Variants in KCNQ3 observed in about 807,000 individuals in gnomAD.
KCNQ3 encodes the protein potassium voltage-gated channel subfamily KQT member 3.
A neutral mutation model predicts 92.5 loss-of-function variants in KCNQ3; 30 were observed. The observed-to-expected ratio is 0.32, with a 90% CI of 0.24 to 0.44. The LOEUF (loss-of-function observed/expected upper bound fraction) is 0.44, where lower values mean the gene tolerates loss of function less well. Ranked by LOEUF, KCNQ3 falls within the 20% of genes least tolerant of loss-of-function variation. The pLI, the probability that KCNQ3 is intolerant of heterozygous loss-of-function variation, is 1.00. For synonymous variants in KCNQ3, 450 were observed against 468.8 expected, an observed-to-expected ratio of 0.96 and a Z score of 0.52; for missense variants, 913 against 1,140.3, an observed-to-expected ratio of 0.80 and a Z score of 2.87.
At chr8:132,145,384 T>C (rs912536156) in intron 9 of KCNQ3, among the ~76,000 whole-genome samples, 3 of 152,350 alleles carry the variant, frequency 2.0e-5, no homozygotes, top group Non-Finnish European at 2.9e-5. Flanking sequence ...GACTGCTGTA[T>C]AGTGGAAAGA....
chr8:132,269,648 T>C lies in KCNQ3; in HGVS notation c.387-83467A>G, dbSNP rs568594723. Among the ~76,000 whole-genome samples the C allele has an allele frequency of 1.7e-4, 26 of 152,312 alleles. No individual in the cohort carries two copies. The East Asian group carries it at 4.4e-3, about 26-fold the overall frequency. On this transcript the variant is annotated intron_variant, in intron 1 of 14. Transcript: ENST00000388996. ...GCCCCCTATTGCCAATTAGACTTCA[T>C]ATCAGAGAGAAATTACCGTGTAGTT...
At chr8:132,259,962 C>A (rs936785856) in intron 1 of KCNQ3, among the ~76,000 whole-genome samples, 7 of 152,112 alleles carry the variant, frequency 4.6e-5, no homozygotes, top group Non-Finnish European at 1.0e-4. Flanking sequence ...AAGGCTTGTA[C>A]CTGACAACTA....
intron 1 of KCNQ3, among the ~76,000 whole-genome samples, chr8:132,233,595 C>T (rs1814708971): frequency 6.6e-6 from 1 of 152,178 alleles, no homozygotes; most frequent in South Asian, 2.1e-4. Context: ...AGTTTGGTTT[C>T]CTCCTTAGAC....
intron 1 of KCNQ3, among the ~76,000 whole-genome samples, chr8:132,343,985 A>G (rs1182141775): frequency 1.3e-5 from 2 of 152,214 alleles, no homozygotes; most frequent in Non-Finnish European, 2.9e-5. Flanking sequence ...TAAGTGGCAC[A>G]TGTTCTTTGT....
chr8:132,298,135 GCT>G (rs1817103510), intron 1 of KCNQ3, among the ~76,000 whole-genome samples: 1 of 152,144 alleles, frequency 6.6e-6, no homozygotes, highest in African/African-American at 2.4e-5. Flanking sequence ...GGGGATGCTG[GCT>G]AGTAGAGGAC....
intron 12 of KCNQ3, 64 bp downstream of exon 12, chr8:132,137,821 C>T: frequency 6.3e-7 from 1 of 1,589,226 alleles, no homozygotes; most frequent in Non-Finnish European, 8.6e-7. Context: ...TACCTCTCAC[C>T]TTAAACTCTA....
intron 1 of KCNQ3, among the ~76,000 whole-genome samples, chr8:132,311,091 C>T (rs905914996): frequency 6.6e-5 from 10 of 152,080 alleles, no homozygotes; most frequent in Non-Finnish European, 1.5e-4. Flanking sequence ...CAAGTGCTGC[C>T]ACACCCAGCT....
intron 1 of KCNQ3, among the ~76,000 whole-genome samples, chr8:132,466,206 C>G (rs1341445627): frequency 4.0e-5 from 6 of 151,734 alleles, no homozygotes; most frequent in African/African-American, 1.2e-4. Context: ...GGAATGACAA[C>G]CCTAACTGAA....
At chr8:132,461,885 T>C (rs1029340544) in intron 1 of KCNQ3, among the ~76,000 whole-genome samples, 1 of 152,242 alleles carries the variant, frequency 6.6e-6, no homozygotes. Context: ...TTCCTTATTG[T>C]TGAATTTTGA....
At chr8:132,142,816 T>A (rs1185279393) in intron 9 of KCNQ3, among the ~76,000 whole-genome samples, 1 of 152,204 alleles carries the variant, frequency 6.6e-6, no homozygotes, top group Non-Finnish European at 1.5e-5. Context: ...CCTTTGAAGC[T>A]GGGTGCAGTG....
intron 1 of KCNQ3, among the ~76,000 whole-genome samples, chr8:132,412,158 C>T (rs1316044871): frequency 7.2e-5 from 11 of 152,174 alleles, no homozygotes; most frequent in African/African-American, 2.4e-4. Context: ...AGTCCCTTGC[C>T]GATTCCAGAA....
rs1034642405 is a variant in KCNQ3, at chr8:132,174,484, A to G, written c.934-135T>C. On this transcript the variant is annotated intron_variant, in intron 5 of 14. Transcript: ENST00000388996. ...TTCATAACAAGGTTCCCTTAGGAGA[A>G]AAGACACCAAGTACCTACTAACTTA... The G allele has an allele frequency of 4.1e-6, 3 of 731,670 alleles. No individual in the cohort carries two copies. In the African/African-American group the frequency reaches 5.2e-5, roughly 13 times the overall value. 45.3% of individuals were successfully genotyped at this position (731,670 alleles called of 1,614,324 possible).
chr8:132,362,883 G>A (rs116185433), intron 1 of KCNQ3, among the ~76,000 whole-genome samples: 105 of 152,302 alleles, frequency 6.9e-4, no homozygotes, highest in African/African-American at 2.4e-3. Context: ...GTAATGGGGC[G>A]AGGGCGGCGT....
At chr8:132,204,358 C>A (rs946161424) in intron 1 of KCNQ3, among the ~76,000 whole-genome samples, 3 of 152,208 alleles carry the variant, frequency 2.0e-5, no homozygotes, top group Admixed American at 2.0e-4. Flanking sequence ...TGTGCACTAT[C>A]CCTGCCTAGC....
chr8:132,199,918 A>C (rs1827409359), intron 1 of KCNQ3, among the ~76,000 whole-genome samples: 1 of 152,100 alleles, frequency 6.6e-6, no homozygotes, highest in Non-Finnish European at 1.5e-5. Flanking sequence ...TCCAAAAAAA[A>C]AAAAAAAAAG....
chr8:132,382,254 G>A (rs1352236689), intron 1 of KCNQ3, among the ~76,000 whole-genome samples: 1 of 152,204 alleles, frequency 6.6e-6, no homozygotes, highest in African/African-American at 2.4e-5. Context: ...GAAAGTATTT[G>A]GGTCCCGGAG....
intron 1 of KCNQ3, among the ~76,000 whole-genome samples, chr8:132,187,841 T>G (rs1490359669): frequency 7.9e-6 from 1 of 126,284 alleles, no homozygotes. Context: ...ATTGTGGTGG[T>G]GGTGGTGGTA....
chr8:132,391,365 TGACAAA>T (rs1049098739), intron 1 of KCNQ3, among the ~76,000 whole-genome samples: 14 of 152,104 alleles, frequency 9.2e-5, no homozygotes, highest in African/African-American at 3.4e-4. Flanking sequence ...ATGGAGAGGA[TGACAAA>T]GACAGCTGTC....
rs1824496361 is a variant in KCNQ3 at position 132,122,240 on chromosome 8, G to T, written c.*7022C>A. On this transcript the variant is annotated 3_prime_UTR_variant, in exon 15 of 15. Coordinates refer to ENST00000388996, the MANE Select transcript of KCNQ3 (RefSeq NM_004519.4). ...ATGGAGACAATAACATCTCCCTCAT[G>T]GGGTTGCGATGAGGATTGCATGAAC... 1 of 152,146 alleles carries T rather than the reference G, an allele frequency of 6.6e-6. No homozygotes were observed. Among genetic ancestry groups the T allele is most frequent in the African/African-American group, 2.4e-5 (1 of 41,426 alleles). The allele number at this position is 152,146 out of a possible 1,614,324, so 9.4% of individuals were successfully genotyped here. A position where few individuals can be genotyped will look rare whatever the true frequency, so the allele number is the denominator to read the frequency against.
Sources: allele counts gnomAD v4.1 joint callset (sites outside exome capture counted in the v4.1 genomes callset), GRCh38; gene constraint gnomAD v4.1.1; transcripts MANE v1.5; gene names NCBI Gene and HGNC (gene_info 2026-07-23, HGNC 2026-07-21).